The following TUBGCP4 variants were observed in gnomAD, a reference collection of about 807,000 sequenced individuals.
TUBGCP4 encodes gamma-tubulin complex component 4.
TUBGCP4 carries 54 observed loss-of-function variants against 91.6 expected under a neutral mutation model. That is an observed-to-expected ratio of 0.59 (90% CI 0.47 to 0.74). The LOEUF (loss-of-function observed/expected upper bound fraction) is 0.74, where lower values mean the gene tolerates loss of function less well. Ranked by LOEUF, TUBGCP4 falls within the 30% of genes least tolerant of loss-of-function variation. The probability of loss-of-function intolerance (pLI) is 0.00; values close to 1 mark genes in which losing one functional copy is unlikely to be tolerated. For synonymous variants in TUBGCP4, 297 were observed against 302.8 expected (o/e 0.98, Z 0.20); for missense variants, 593 against 800.9 (o/e 0.74, Z 3.13).
At chr15:43,381,280 A>T (rs901654152) in intron 6 of TUBGCP4, among the ~76,000 whole-genome samples, 2 of 152,244 alleles carry the variant, frequency 1.3e-5, no homozygotes, top group Admixed American at 1.3e-4. Context: ...TACAGACCAC[A>T]TACTCAGAAA....
intron 9 of TUBGCP4, among the ~76,000 whole-genome samples, chr15:43,390,515 C>CTTTTTTTTT (rs201543896): frequency 1.5e-5 from 2 of 137,034 alleles, no homozygotes; most frequent in African/African-American, 5.4e-5. Context: ...TTTCTTTTTT[C>CTTTTTTTTT]TTTTTTTTTT....
rs1260387337 is a variant in TUBGCP4, at chr15:43,371,389, A to T, written c.35A>T (p.Tyr12Phe). The change falls in exon 1 of 18, where the codon TAC becomes TTC. Residue 12 changes from tyrosine to phenylalanine, a missense_variant. Tyr to Phe is a conservative substitution (Grantham distance 22, BLOSUM62 3). Transcript: ENST00000564079. ...IHELLLALSG[Y>F]PGSIFTWNKR... ...GAACTGCTCTTGGCTCTGAGCGGGT[A>T]CCCTGGGTCCATTTTCACCTGGAAC... The T allele has an allele frequency of 1.2e-6, 2 of 1,613,928 alleles. No homozygotes were observed. Among genetic ancestry groups the T allele is most frequent in the Non-Finnish European group, 1.7e-6 (2 of 1,179,960 alleles).
At chr15:43,402,638 T>G (rs1464856215) in intron 15 of TUBGCP4, 3 of 152,236 alleles carry the variant, frequency 2.0e-5, no homozygotes, top group African/African-American at 7.2e-5. Context: ...CAACTTTGGC[T>G]GCACATTGGA....
chr15:43,398,975 G>A, intron 13 of TUBGCP4: 1 of 252,942 alleles, frequency 4.0e-6, no homozygotes, highest in Non-Finnish European at 7.8e-6. Context: ...AAAATTAACA[G>A]TAGTCCCTTA....
In TUBGCP4 at chr15:43,401,861, C is replaced by CG. The variant is rs1566902787; in HGVS notation, c.1731+11_1731+12insG. ...ATCCTATTGAAACCTGTAAGTAAGG[C>CG]TCATTGGTTTCCTCAGACTGCTTCT... On this transcript the variant is annotated intron_variant, in intron 15 of 17. Coordinates refer to ENST00000564079, the MANE Select transcript of TUBGCP4 (RefSeq NM_014444.5). The CG allele has an allele frequency of 6.2e-7, 1 of 1,613,756 alleles. No individual in the cohort carries two copies. Among genetic ancestry groups the CG allele is most frequent in the South Asian group, 1.1e-5 (1 of 90,994 alleles).
Position 43,408,412 on chromosome 15 carries a change from T to C in TUBGCP4, c.*3198T>C, listed in dbSNP as rs1293412538. 3 of 285,370 alleles carry C rather than the reference T, an allele frequency of 1.1e-5. No homozygotes were observed. The highest frequency in any genetic ancestry group is 4.8e-5 in the Admixed American group (1 of 20,668). 17.7% of individuals were successfully genotyped at this position (285,370 alleles called of 1,614,324 possible). ...AGGGGGATCACTTCAGCCTGGGAGG[T>C]TGAGGCTGCAGTAAGTCGTCACTGC... On this transcript the variant is annotated 3_prime_UTR_variant, in exon 18 of 18. Coordinates refer to ENST00000564079, the MANE Select transcript of TUBGCP4 (RefSeq NM_014444.5).
chr15:43,403,633 A>C (rs752537542), intron 15 of TUBGCP4, 50 bp from the exon 16 acceptor site: 10 of 1,344,614 alleles, frequency 7.4e-6, no homozygotes, highest in Non-Finnish European at 9.5e-6. Context: ...CTTTAACTTC[A>C]TGGATGTACC....
At chr15:43,392,075 TACACACACACACACACACACAC>T (rs3986231) in intron 9 of TUBGCP4, among the ~76,000 whole-genome samples, 4 of 133,108 alleles carry the variant, frequency 3.0e-5, no homozygotes, top group Non-Finnish European at 4.9e-5. Context: ...AAAATAGAGA[TACACACACACACACACACACAC>T]ACACACACAC....
chr15:43,392,823 A>G (rs900596200), intron 9 of TUBGCP4, among the ~76,000 whole-genome samples: 2 of 152,034 alleles, frequency 1.3e-5, no homozygotes, highest in African/African-American at 4.8e-5. Context: ...CTTAGATTCT[A>G]TTTTGTTAGT....
At chr15:43,394,681 C>T in intron 9 of TUBGCP4, 1 of 165,190 alleles carries the variant, frequency 6.1e-6, no homozygotes, top group Middle Eastern at 3.0e-3. Flanking sequence ...TGGTTTAGCG[C>T]CATTCCCCTT....
chr15:43,397,057 G>A (rs1026575692), intron 11 of TUBGCP4, among the ~76,000 whole-genome samples, 157 bp from the exon 12 acceptor site: 3 of 152,196 alleles, frequency 2.0e-5, no homozygotes, highest in African/African-American at 7.2e-5. Context: ...TTGTCAGCAA[G>A]AAGAGAAGGA....
At position 43,371,227 on chromosome 15, in the gene TUBGCP4, A is replaced by C; in HGVS notation, c.-128A>C. ...CCGCAGCGATTGTCTCGGTGGGTTGATTCGGCACAAACCGCCCGACCCAGG... is the reference window on the plus strand; with the variant it reads ...CCGCAGCGATTGTCTCGGTGGGTTGCTTCGGCACAAACCGCCCGACCCAGG... On this transcript the variant is annotated 5_prime_UTR_variant, in exon 1 of 18. Transcript: ENST00000564079. The C allele has an allele frequency of 2.2e-6, 2 of 924,464 alleles. No individual in the cohort carries two copies. The highest frequency in any genetic ancestry group is 1.7e-5 in the African/African-American group (1 of 59,894). 57.3% of individuals were successfully genotyped at this position (924,464 alleles called of 1,614,324 possible).
At chr15:43,404,910 A>G (rs1388509031) in intron 17 of TUBGCP4, 2 of 502,582 alleles carry the variant, frequency 4.0e-6, no homozygotes, top group Non-Finnish European at 7.0e-6. Context: ...CTGTGAAAGG[A>G]GGCGACCACC....
chr15:43,395,090 G>A lies in TUBGCP4; in HGVS notation c.1015-17G>A. Reference sequence around the variant, plus strand: ...CTGTAATGAAATTTGTCCCTGTTTTGTTGGTTGTTTTCATAGCATCTCTGG... The same window carrying A: ...CTGTAATGAAATTTGTCCCTGTTTTATTGGTTGTTTTCATAGCATCTCTGG... On this transcript the variant is annotated splice_polypyrimidine_tract_variant and intron_variant, in intron 9 of 17. Transcript: ENST00000564079. 1 of 1,614,060 alleles carries A rather than the reference G, an allele frequency of 6.2e-7. No homozygotes were observed. Among genetic ancestry groups the A allele is most frequent in the South Asian group, 1.1e-5 (1 of 91,084 alleles).
intron 5 of TUBGCP4, among the ~76,000 whole-genome samples, chr15:43,379,822 G>A (rs1021149010): frequency 2.6e-5 from 4 of 152,160 alleles, no homozygotes; most frequent in African/African-American, 9.7e-5. Flanking sequence ...ACACTTTACT[G>A]TGCATTAGAA....
Position 43,386,955 on chromosome 15 carries a change from G to C in TUBGCP4, c.1014+625G>C, listed in dbSNP as rs148930627. Among the ~76,000 whole-genome samples, 344 of 152,206 alleles carry C rather than the reference G, an allele frequency of 2.3e-3. 2 individuals are homozygous for C. Among genetic ancestry groups the C allele is most frequent in the African/African-American group, 7.9e-3 (330 of 41,526 alleles). Reference sequence around the variant, plus strand: ...TAGTTGGTTAGTTAGTTGAATAAAGGGGGGATCTTGGTTTAAATTCTGAAA... The same window carrying C: ...TAGTTGGTTAGTTAGTTGAATAAAGCGGGGATCTTGGTTTAAATTCTGAAA... On this transcript the variant is annotated intron_variant, in intron 9 of 17. Coordinates refer to ENST00000564079, the MANE Select transcript of TUBGCP4 (RefSeq NM_014444.5).
intron 16 of TUBGCP4, 151 bp from the exon 17 acceptor site, chr15:43,404,262 G>T: frequency 1.2e-6 from 1 of 826,314 alleles, no homozygotes; most frequent in Non-Finnish European, 1.8e-6. Context: ...GTCATTTTAG[G>T]AACTAATAGA....
In TUBGCP4 at chr15:43,401,702, G is replaced by A; in HGVS notation, c.1597-14G>A. ...AATATGCAAAGTGCTAAAATTTTTT[G>A]TAATGTCTATCAGGTAGATGTGTTG... On this transcript the variant is annotated splice_polypyrimidine_tract_variant and intron_variant, in intron 14 of 17. Transcript: ENST00000564079. 4.3e-6 allele frequency: 7 copies of A among 1,611,488 alleles called. No individual in the cohort carries two copies. Among genetic ancestry groups the A allele is most frequent in the Non-Finnish European group, 5.9e-6 (7 of 1,179,204 alleles).
chr15:43,393,966 C>G (rs1310943023), intron 9 of TUBGCP4: 2 of 152,026 alleles, frequency 1.3e-5, no homozygotes, highest in African/African-American at 2.4e-5. Flanking sequence ...TTTCATGTGC[C>G]TCTTTGCCTA....
Sources: gnomAD v4.1 joint callset for allele counts (sites outside exome capture counted in the v4.1 genomes callset) on GRCh38, gnomAD v4.1.1 for gene constraint, MANE v1.5 for transcripts, NCBI Gene and HGNC (gene_info 2026-07-23, HGNC 2026-07-21) for gene names.